Variants in CDH18 observed in about 807,000 individuals in gnomAD.
CDH18 encodes the protein cadherin 18, also known as cadherin-18.
Under a neutral mutation model 67.9 loss-of-function variants are expected in CDH18, and 31 were observed. The observed-to-expected ratio is 0.46, with a 90% CI of 0.34 to 0.62. CDH18 has a LOEUF of 0.62. CDH18 is among the 20% of genes least tolerant of loss of function. The pLI is 0.01. For synonymous variants in CDH18, 362 were observed against 347.2 expected (o/e 1.04, Z -0.48); for missense variants, 890 against 975.5 (o/e 0.91, Z 1.17).
At chr5:19,631,602 A>G (rs1752425314) in intron 5 of CDH18, among the ~76,000 whole-genome samples, 1 of 152,158 alleles carries the variant, frequency 6.6e-6, no homozygotes, top group South Asian at 2.1e-4. Context: ...CTTTATTGAA[A>G]GACTTATGAA....
At chr5:19,962,567 A>C (rs969069449) in intron 2 of CDH18, among the ~76,000 whole-genome samples, 1 of 151,840 alleles carries the variant, frequency 6.6e-6, no homozygotes, top group Non-Finnish European at 1.5e-5. Context: ...TGAGATCAGG[A>C]GTATGAAACC....
At chr5:20,502,422 C>T (rs1159512661) in intron 1 of CDH18, among the ~76,000 whole-genome samples, 1 of 152,068 alleles carries the variant, frequency 6.6e-6, no homozygotes, top group African/African-American at 2.4e-5. Context: ...TTAATGAAAC[C>T]CAGTGCTCTC....
At chr5:20,409,508 G>A (rs1746586453) in intron 1 of CDH18, among the ~76,000 whole-genome samples, 1 of 151,652 alleles carries the variant, frequency 6.6e-6, no homozygotes, top group South Asian at 2.1e-4. Flanking sequence ...CTTATGAGAT[G>A]TTGTAAAAGC....
chr5:19,784,753 G>A (rs1177526321), intron 3 of CDH18, among the ~76,000 whole-genome samples: 1 of 152,052 alleles, frequency 6.6e-6, no homozygotes, highest in Non-Finnish European at 1.5e-5. Context: ...CTTGGATCTA[G>A]GAGAGACTAA....
intron 3 of CDH18, among the ~76,000 whole-genome samples, chr5:19,775,748 T>C (rs1774295169): frequency 6.6e-6 from 1 of 152,090 alleles, no homozygotes; most frequent in Non-Finnish European, 1.5e-5. Context: ...CAGATGTACA[T>C]CAGCAATATA....
intron 2 of CDH18, among the ~76,000 whole-genome samples, chr5:20,233,648 G>A (rs1354840991): frequency 6.6e-6 from 1 of 151,796 alleles, no homozygotes; most frequent in East Asian, 1.9e-4. Context: ...GCGTGTGTGT[G>A]TGTTTGCATG....
At chr5:19,786,090 C>T (rs1014574203) in intron 3 of CDH18, among the ~76,000 whole-genome samples, 7 of 151,936 alleles carry the variant, frequency 4.6e-5, no homozygotes, top group African/African-American at 7.3e-5. Flanking sequence ...TTTATTTCTG[C>T]AATTTAAAAA....
At chr5:20,011,528 A>G (rs1737435580) in intron 2 of CDH18, among the ~76,000 whole-genome samples, 1 of 152,108 alleles carries the variant, frequency 6.6e-6, no homozygotes, top group Non-Finnish European at 1.5e-5. Context: ...TCTTTGTCTC[A>G]TGCCAATTTT....
At chr5:20,249,741 T>G (rs1031515005) in intron 2 of CDH18, among the ~76,000 whole-genome samples, 1 of 152,196 alleles carries the variant, frequency 6.6e-6, no homozygotes, top group African/African-American at 2.4e-5. Context: ...TCTTTTGAAT[T>G]CTATTGTAAA....
intron 1 of CDH18, among the ~76,000 whole-genome samples, chr5:20,533,784 G>C (rs1447869953): frequency 6.6e-6 from 1 of 151,578 alleles, no homozygotes; most frequent in Non-Finnish European, 1.5e-5. Context: ...TGTCCATTTT[G>C]TTTTATATTT....
At chr5:20,391,106 C>T (rs892252817) in intron 1 of CDH18, among the ~76,000 whole-genome samples, 1 of 151,800 alleles carries the variant, frequency 6.6e-6, no homozygotes, top group African/African-American at 2.4e-5. Flanking sequence ...GCACGTTATG[C>T]ACATGTACCC....
chr5:20,006,489 T>A (rs2150408821), intron 2 of CDH18, among the ~76,000 whole-genome samples: 1 of 152,106 alleles, frequency 6.6e-6, no homozygotes, highest in South Asian at 2.1e-4. Flanking sequence ...ATCTACAATG[T>A]CTACAATAAC....
At chr5:19,660,787 G>C (rs1757045524) in intron 5 of CDH18, among the ~76,000 whole-genome samples, 1 of 152,038 alleles carries the variant, frequency 6.6e-6, no homozygotes, top group Non-Finnish European at 1.5e-5. Context: ...GTGTATGTGT[G>C]TGTGTTGTAT....
chr5:19,582,912 T>C (rs966313276), intron 7 of CDH18, among the ~76,000 whole-genome samples: 2 of 151,836 alleles, frequency 1.3e-5, no homozygotes, highest in Non-Finnish European at 2.9e-5. Flanking sequence ...AGACCAGAAA[T>C]ATAGTATGTA....
At chr5:20,161,736 T>C (rs1735906261) in intron 2 of CDH18, among the ~76,000 whole-genome samples, 1 of 152,334 alleles carries the variant, frequency 6.6e-6, no homozygotes, top group Non-Finnish European at 1.5e-5. Context: ...ATTTTAACTG[T>C]GAGCTCGTTT....
At chr5:20,460,581 T>C (rs1456494501) in intron 1 of CDH18, among the ~76,000 whole-genome samples, 1 of 151,270 alleles carries the variant, frequency 6.6e-6, no homozygotes, top group Non-Finnish European at 1.5e-5. Context: ...TGAAAAATAA[T>C]ATATATTTGC....
intron 9 of CDH18, among the ~76,000 whole-genome samples, chr5:19,531,660 G>A (rs547411019): frequency 1.3e-5 from 2 of 151,614 alleles, no homozygotes; most frequent in Admixed American, 6.6e-5. Context: ...GGCTGGGCAC[G>A]GTAGCTCACA....
chr5:19,582,851 T>C (rs1242280631), intron 7 of CDH18, among the ~76,000 whole-genome samples: 1 of 151,814 alleles, frequency 6.6e-6, no homozygotes, highest in African/African-American at 2.4e-5. Flanking sequence ...TGTTACTAAA[T>C]GCAAGTCAAA....
intron 3 of CDH18, among the ~76,000 whole-genome samples, chr5:19,776,405 C>T (rs989486028): frequency 7.2e-5 from 11 of 152,122 alleles, no homozygotes; most frequent in African/African-American, 1.9e-4. Context: ...GCATTGATAA[C>T]GGTCTGTTTA....
Sources: gnomAD v4.1 joint callset for allele counts (sites outside exome capture counted in the v4.1 genomes callset) on GRCh38, gnomAD v4.1.1 for gene constraint, MANE v1.5 for transcripts, NCBI Gene and HGNC (gene_info 2026-07-23, HGNC 2026-07-21) for gene names.